The following HHLA2 variants were observed in gnomAD, a reference collection of about 807,000 sequenced individuals.
The protein encoded by HHLA2 is HERV-H LTR-associating protein 2.
HHLA2 carries 48 observed loss-of-function variants against 45.9 expected under a neutral mutation model. The ratio of observed to expected loss-of-function variants is 1.05; its 90% CI spans 0.83 to 1.33. The LOEUF is 1.33. Ranked by LOEUF, HHLA2 falls within the 40% of genes most tolerant of loss-of-function variation. HHLA2 has a pLI of 0.00. For synonymous variants in HHLA2, 161 were observed against 173.9 expected, an observed-to-expected ratio of 0.93 and a Z score of 0.59; for missense variants, 462 against 494.3, an observed-to-expected ratio of 0.93 and a Z score of 0.62.
At chr3:108,347,658 G>C (rs2081690697) in intron 3 of HHLA2, among the ~76,000 whole-genome samples, 1 of 152,182 alleles carries the variant, frequency 6.6e-6, no homozygotes, top group South Asian at 2.1e-4. Flanking sequence ...AGTAGGAAAA[G>C]GGTAACCAGC....
intron 3 of HHLA2, among the ~76,000 whole-genome samples, chr3:108,346,818 C>G (rs1430145480): frequency 6.6e-6 from 1 of 152,206 alleles, no homozygotes; most frequent in African/African-American, 2.4e-5. Context: ...ACAATTAGTA[C>G]TGATGGCTGT....
At chr3:108,360,035 T>G (rs943489633) in intron 7 of HHLA2, among the ~76,000 whole-genome samples, 5 of 152,172 alleles carry the variant, frequency 3.3e-5, no homozygotes, top group African/African-American at 1.2e-4. Flanking sequence ...TGTAGCTTCT[T>G]CATCAGCAGA....
rs1051464200 is a variant in HHLA2 at position 108,367,852 on chromosome 3, G to T, written c.1108+5406G>T. ...CCACTATTCAAATTCAGGACATACA[G>T]AGAACACCACTAAAATACTCCTTGA... On this transcript the variant is annotated intron_variant, in intron 8 of 10. Transcript: ENST00000619531. Among the ~76,000 whole-genome samples the T allele has an allele frequency of 3.9e-5, 6 of 152,022 alleles. No individual in the cohort carries two copies. In the South Asian group the frequency reaches 1.0e-3, roughly 26 times the overall value.
intron 2 of HHLA2, among the ~76,000 whole-genome samples, chr3:108,314,399 G>A (rs1031620540): frequency 6.7e-6 from 1 of 148,376 alleles, no homozygotes; most frequent in East Asian, 2.0e-4. Context: ...TTTCCATTTT[G>A]TGGATTCCTT....
At chr3:108,375,315 A>G (rs188307989) in intron 8 of HHLA2, among the ~76,000 whole-genome samples, 238 of 127,520 alleles carry the variant, frequency 1.9e-3, no homozygotes, top group Middle Eastern at 9.0e-3. Context: ...AACATCACAC[A>G]CCAGGGACTC....
chr3:108,368,768 C>T (rs1223320264), intron 8 of HHLA2, among the ~76,000 whole-genome samples: 3 of 152,052 alleles, frequency 2.0e-5, no homozygotes, highest in Non-Finnish European at 4.4e-5. Flanking sequence ...CTTAGACTCT[C>T]ACACAATAAT....
chr3:108,375,542 G>A (rs1025446879), intron 8 of HHLA2, among the ~76,000 whole-genome samples: 1 of 151,756 alleles, frequency 6.6e-6, no homozygotes, highest in African/African-American at 2.4e-5. Flanking sequence ...AACTAGAGAA[G>A]CAAGAGCGAA....
At chr3:108,321,978 G>T (rs538200931) in intron 2 of HHLA2, among the ~76,000 whole-genome samples, 3 of 152,080 alleles carry the variant, frequency 2.0e-5, no homozygotes, top group Non-Finnish European at 2.9e-5. Context: ...TCTCTCTGAA[G>T]ATGTTAGTTA....
At chr3:108,375,874 C>CT in intron 9 of HHLA2, 74 bp downstream of exon 8, 1 of 1,562,510 alleles carries the variant, frequency 6.4e-7, no homozygotes, top group Non-Finnish European at 8.7e-7. Context: ...GGCAAAAACT[C>CT]TGTCACAGTA....
chr3:108,321,967 ATC>A (rs2081211053), intron 2 of HHLA2, among the ~76,000 whole-genome samples: 1 of 151,938 alleles, frequency 6.6e-6, no homozygotes, highest in Non-Finnish European at 1.5e-5. Flanking sequence ...ACTTTTTCTT[ATC>A]TCTCTGAAGA....
intron 3 of HHLA2, among the ~76,000 whole-genome samples, chr3:108,331,932 G>T (rs1247267195): frequency 6.6e-6 from 1 of 152,038 alleles, no homozygotes; most frequent in Non-Finnish European, 1.5e-5. Flanking sequence ...ACATAAAGTT[G>T]TATAAGTGCT....
At chr3:108,321,415 C>T (rs548354041) in intron 2 of HHLA2, among the ~76,000 whole-genome samples, 4 of 152,074 alleles carry the variant, frequency 2.6e-5, no homozygotes, top group South Asian at 2.1e-4. Context: ...GTCATTCTGC[C>T]CTCCCGTTTG....
intron 2 of HHLA2, chr3:108,325,989 G>T: frequency 2.9e-6 from 1 of 343,038 alleles, no homozygotes; most frequent in Non-Finnish European, 5.6e-6. Flanking sequence ...AGGGAGTCAT[G>T]GTCATCAAAA....
intron 4 of HHLA2, 69 bp downstream of exon 3, chr3:108,351,946 A>G: frequency 9.3e-7 from 1 of 1,073,826 alleles, no homozygotes; most frequent in Non-Finnish European, 1.4e-6. Context: ...ACACAATGCA[A>G]GGTGGCTATT....
chr3:108,343,046 G>A (rs186657274), intron 3 of HHLA2, among the ~76,000 whole-genome samples: 10 of 152,322 alleles, frequency 6.6e-5, no homozygotes, highest in African/African-American at 1.9e-4. Context: ...TTTGTGACCC[G>A]TAGGTGATGC....
At chr3:108,329,319 C>T (rs185399356) in intron 3 of HHLA2, among the ~76,000 whole-genome samples, 30 of 152,214 alleles carry the variant, frequency 2.0e-4, no homozygotes, top group Admixed American at 4.6e-4. Flanking sequence ...AAAAAAGAAA[C>T]GTCCTGACTG....
intron 8 of HHLA2, among the ~76,000 whole-genome samples, chr3:108,370,028 T>A (rs901411172): frequency 8.6e-5 from 13 of 150,404 alleles, no homozygotes; most frequent in African/African-American, 3.2e-4. Flanking sequence ...AGTGGGTCCC[T>A]GACCCCCGAG....
At chr3:108,317,971 C>T (rs1055025686) in intron 2 of HHLA2, among the ~76,000 whole-genome samples, 8 of 151,918 alleles carry the variant, frequency 5.3e-5, no homozygotes, top group South Asian at 2.1e-4. Context: ...CACCTGAGGT[C>T]GGGAATTCGA....
At chr3:108,349,843 T>A (rs952003990) in intron 3 of HHLA2, among the ~76,000 whole-genome samples, 1 of 152,096 alleles carries the variant, frequency 6.6e-6, no homozygotes, top group Non-Finnish European at 1.5e-5. Flanking sequence ...GGAAAAGAGA[T>A]GAGAACAGGG....
Sources: allele counts gnomAD v4.1 joint callset (sites outside exome capture counted in the v4.1 genomes callset), GRCh38; gene constraint gnomAD v4.1.1; transcripts MANE v1.5; gene names NCBI Gene and HGNC (gene_info 2026-07-23, HGNC 2026-07-21).